NKAIN2: variants seen among roughly 807,000 people sequenced by gnomAD.
The protein encoded by NKAIN2 is sodium/potassium-transporting ATPase subunit beta-1-interacting protein 2.
Under a neutral mutation model 32.6 loss-of-function variants are expected in NKAIN2, and 14 were observed. The observed-to-expected ratio is 0.43, with a 90% CI of 0.28 to 0.67. The LOEUF (loss-of-function observed/expected upper bound fraction) is 0.67. NKAIN2 is among the 30% of genes least tolerant of loss of function. NKAIN2 has a pLI of 0.17. For synonymous variants in NKAIN2, 80 were observed against 87.2 expected, an observed-to-expected ratio of 0.92 and a Z score of 0.46; for missense variants, 198 against 258.3, an observed-to-expected ratio of 0.77 and a Z score of 1.60.
At chr6:124,270,167 C>G (rs1168099767) in intron 1 of NKAIN2, among the ~76,000 whole-genome samples, 1 of 152,132 alleles carries the variant, frequency 6.6e-6, no homozygotes, top group African/African-American at 2.4e-5. Context: ...AAATATAGTA[C>G]TTGCTTGACA....
At chr6:124,012,532 C>T (rs1438979661) in intron 1 of NKAIN2, among the ~76,000 whole-genome samples, 1 of 152,006 alleles carries the variant, frequency 6.6e-6, no homozygotes, top group East Asian at 1.9e-4. Context: ...GACGGGGTTT[C>T]ACCATATTGG....
intron 3 of NKAIN2, among the ~76,000 whole-genome samples, chr6:124,409,594 G>T (rs1386845318): frequency 1.3e-5 from 2 of 152,294 alleles, no homozygotes; most frequent in East Asian, 1.9e-4. Context: ...GATGCGGTTT[G>T]CCAGTATTTT....
At chr6:124,559,554 A>G (rs1583438728) in intron 3 of NKAIN2, among the ~76,000 whole-genome samples, 1 of 152,194 alleles carries the variant, frequency 6.6e-6, no homozygotes, top group East Asian at 1.9e-4. Flanking sequence ...ATTCTAGACA[A>G]GGAGATGAAT....
chr6:124,030,547 T>C (rs1431369852), intron 1 of NKAIN2, among the ~76,000 whole-genome samples: 2 of 152,200 alleles, frequency 1.3e-5, no homozygotes, highest in East Asian at 3.9e-4. Context: ...ATGTTATATA[T>C]TGGATTTCCA....
At chr6:124,347,146 A>C (rs1451075520) in intron 2 of NKAIN2, among the ~76,000 whole-genome samples, 1 of 152,270 alleles carries the variant, frequency 6.6e-6, no homozygotes, top group East Asian at 1.9e-4. Flanking sequence ...TTTCTTTAAG[A>C]ATGTTGAATA....
In NKAIN2 at chr6:124,419,046, A is replaced by G. The variant is rs139359462; in HGVS notation, c.273+63699A>G. ...GTCTGCTTCCCATTCTGTGATTTGC[A>G]TTTACTCTGCCTGTTTTAATGTTGT... is the stretch of plus-strand genomic sequence containing the variant. On this transcript the variant is annotated intron_variant, in intron 3 of 6. Coordinates refer to ENST00000368417, the MANE Select transcript of NKAIN2 (RefSeq NM_001040214.3). 1.5e-3 allele frequency among the ~76,000 whole-genome samples: 229 copies of G among 152,080 alleles called. 1 individual carries two copies. Among genetic ancestry groups the G allele is most frequent in the Non-Finnish European group, 2.5e-3 (169 of 67,970 alleles).
intron 1 of NKAIN2, among the ~76,000 whole-genome samples, chr6:124,064,073 C>G (rs1783043549): frequency 2.0e-5 from 3 of 151,834 alleles, no homozygotes; most frequent in African/African-American, 7.3e-5. Flanking sequence ...GCCTCAGCCT[C>G]CCGAGTAGCT....
chr6:124,609,278 T>C (rs182356909), intron 3 of NKAIN2, among the ~76,000 whole-genome samples: 9 of 152,196 alleles, frequency 5.9e-5, no homozygotes, highest in East Asian at 5.8e-4. Context: ...ATTTGAAAAG[T>C]AAAATTTCAA....
At chr6:124,317,372 G>A (rs1356274986) in intron 2 of NKAIN2, among the ~76,000 whole-genome samples, 2 of 152,042 alleles carry the variant, frequency 1.3e-5, no homozygotes, top group Non-Finnish European at 2.9e-5. Flanking sequence ...TGCAGTGTAG[G>A]AAAGAATATT....
At chr6:124,278,650 C>CATATGTATATATAT (rs397948818) in intron 1 of NKAIN2, among the ~76,000 whole-genome samples, 1 of 68,986 alleles carries the variant, frequency 1.4e-5, no homozygotes, top group African/African-American at 4.6e-5. Context: ...ATACATAGCT[C>CATATGTATATATAT]ATATATATAT....
chr6:124,174,238 A>G (rs1789046366), intron 1 of NKAIN2, among the ~76,000 whole-genome samples: 1 of 152,170 alleles, frequency 6.6e-6, no homozygotes, highest in African/African-American at 2.4e-5. Context: ...TTCAAAATTC[A>G]TGGAATGCCA....
rs138606337 is a variant in NKAIN2, at chr6:124,394,081, T to C, written c.273+38734T>C. 6.2e-3 allele frequency among the ~76,000 whole-genome samples: 941 copies of C among 152,316 alleles called. 3 individuals carry two copies. The highest frequency in any genetic ancestry group is 0.018 in the African/African-American group (734 of 41,582). ...TCTGCAGAGATCTGGACATCTGTTC[T>C]GGGTATAATACTTGCATTGTCTAAT... is the stretch of plus-strand genomic sequence containing the variant. On this transcript the variant is annotated intron_variant, in intron 3 of 6. Coordinates refer to ENST00000368417, the MANE Select transcript of NKAIN2 (RefSeq NM_001040214.3).
Position 124,437,587 on chromosome 6 carries a change from A to G in NKAIN2, c.273+82240A>G, listed in dbSNP as rs1393581787. 3.3e-5 allele frequency among the ~76,000 whole-genome samples: 5 copies of G among 151,902 alleles called. No homozygotes were observed. The East Asian group carries it at 7.7e-4, about 23-fold the overall frequency. On this transcript the variant is annotated intron_variant, in intron 3 of 6. Transcript: ENST00000368417. ...TCTTTTCTACCTATCTCATTCAACA[A>G]TATGGAACAAGAGTTAGGTTCTGTG...
At chr6:123,895,037 C>G (rs1475258658) in intron 1 of NKAIN2, among the ~76,000 whole-genome samples, 1 of 151,886 alleles carries the variant, frequency 6.6e-6, no homozygotes, top group Non-Finnish European at 1.5e-5. Context: ...TTCTCTTGCT[C>G]CAGTTCCTTC....
intron 3 of NKAIN2, among the ~76,000 whole-genome samples, chr6:124,634,979 GAGAAAGAAGAGAGAA>G (rs1783715806): frequency 6.8e-6 from 1 of 146,624 alleles, no homozygotes; most frequent in Admixed American, 6.8e-5. Context: ...AAGAAAGAAA[GAGAAAGAAGAGAGAA>G]AGAAAAAAGA....
chr6:123,819,172 A>G (rs915968738), intron 1 of NKAIN2, among the ~76,000 whole-genome samples: 13 of 152,196 alleles, frequency 8.5e-5, no homozygotes. Context: ...GGTTTTCAAC[A>G]GGTCTCGTTA....
chr6:124,456,108 A>G (rs1776311728), intron 3 of NKAIN2, among the ~76,000 whole-genome samples: 1 of 151,884 alleles, frequency 6.6e-6, no homozygotes, highest in African/African-American at 2.4e-5. Context: ...ATACACATAA[A>G]CTTTAAAAAA....
intron 3 of NKAIN2, among the ~76,000 whole-genome samples, chr6:124,444,305 G>T (rs1386722866): frequency 6.6e-6 from 1 of 151,952 alleles, no homozygotes; most frequent in Admixed American, 6.6e-5. Flanking sequence ...ATGTTTATTA[G>T]TATCTGGCAC....
chr6:124,211,844 A>C (rs1463956138), intron 1 of NKAIN2, among the ~76,000 whole-genome samples: 1 of 152,062 alleles, frequency 6.6e-6, no homozygotes, highest in Admixed American at 6.6e-5. Flanking sequence ...CTTTGTTTAA[A>C]TAGTGCCAAT....
Sources: gnomAD v4.1 joint callset for allele counts (sites outside exome capture counted in the v4.1 genomes callset) on GRCh38, gnomAD v4.1.1 for gene constraint, MANE v1.5 for transcripts, NCBI Gene and HGNC (gene_info 2026-07-23, HGNC 2026-07-21) for gene names.